The following AKR1C4 variants were observed in gnomAD, a reference collection of about 807,000 sequenced individuals.
The protein encoded by AKR1C4 is aldo-keto reductase family 1 member C4.
Under a neutral mutation model 41.0 loss-of-function variants are expected in AKR1C4, and 44 were observed. That is an observed-to-expected ratio of 1.07 (90% CI 0.84 to 1.38). The LOEUF (loss-of-function observed/expected upper bound fraction) is 1.38. AKR1C4 is among the 40% of genes most tolerant of loss of function. The pLI is 0.00. For synonymous variants in AKR1C4, 165 were observed against 137.7 expected, an observed-to-expected ratio of 1.20 and a Z score of -1.39; for missense variants, 438 against 387.9, an observed-to-expected ratio of 1.13 and a Z score of -1.09.
At chr10:5,217,655 G>A (rs888568130) in intron 8 of AKR1C4, among the ~76,000 whole-genome samples, 3 of 152,188 alleles carry the variant, frequency 2.0e-5, no homozygotes, top group African/African-American at 7.2e-5. Context: ...AGCTACTAAG[G>A]AGGCTGAGAC....
chr10:5,211,133 C>CA (rs1399462174), intron 5 of AKR1C4, among the ~76,000 whole-genome samples: 1 of 152,190 alleles, frequency 6.6e-6, no homozygotes, highest in Non-Finnish European at 1.5e-5. Context: ...CCTAGACCTC[C>CA]ACCTCCCTCT....
chr10:5,206,859 A>T (rs1364712961), intron 5 of AKR1C4, among the ~76,000 whole-genome samples: 4 of 50,644 alleles, frequency 7.9e-5, no homozygotes, highest in African/African-American at 1.3e-4. Flanking sequence ...AGATGTCTGA[A>T]TGCTTTTTCT....
In AKR1C4 at chr10:5,211,543, T is replaced by C. The variant is rs111763254; in HGVS notation, c.571-1073T>C. On this transcript the variant is annotated intron_variant, in intron 5 of 8. Transcript: ENST00000263126. Reference sequence around the variant, plus strand: ...GTTCCCAACAAGTTCCTCATCTCCATCTGAGACCACCTCAGCCTGGTTACT... The same window carrying C: ...GTTCCCAACAAGTTCCTCATCTCCACCTGAGACCACCTCAGCCTGGTTACT... Among the ~76,000 whole-genome samples the C allele has an allele frequency of 9.1e-3, 1,391 of 152,268 alleles. 21 individuals carry two copies. Among genetic ancestry groups the C allele is most frequent in the African/African-American group, 0.032 (1,311 of 41,550 alleles).
At chr10:5,198,035 G>A (rs1832338155) in intron 1 of AKR1C4, among the ~76,000 whole-genome samples, 1 of 152,118 alleles carries the variant, frequency 6.6e-6, no homozygotes, top group African/African-American at 2.4e-5. Context: ...TTCATTTACG[G>A]TTTTGTCATT....
intron 2 of AKR1C4, among the ~76,000 whole-genome samples, chr10:5,203,908 A>G (rs1554797182): frequency 6.6e-6 from 1 of 152,192 alleles, no homozygotes; most frequent in African/African-American, 2.4e-5. Flanking sequence ...CTTTTCAGTG[A>G]AGAGTGTGGG....
intron 5 of AKR1C4, among the ~76,000 whole-genome samples, chr10:5,211,890 G>A (rs1407852424): frequency 1.3e-5 from 2 of 152,178 alleles, no homozygotes; most frequent in Admixed American, 1.3e-4. Context: ...ATGGACAGCA[G>A]CAGGCAAAGA....
chr10:5,206,231 C>A, intron 4 of AKR1C4, 44 bp from the exon 5 acceptor site: 1 of 1,612,854 alleles, frequency 6.2e-7, no homozygotes, highest in Non-Finnish European at 8.5e-7. Context: ...TCATAATCTG[C>A]AGCCAACTGC....
Position 5,196,897 on chromosome 10 carries a change from A to T in AKR1C4, c.30A>T (p.Leu10=), listed in dbSNP as rs1832318504. The T allele has an allele frequency of 1.9e-6, 3 of 1,614,034 alleles. No individual in the cohort carries two copies. The African/African-American group carries it at 4.0e-5, about 22-fold the overall frequency. The part of the protein sequence containing the change: MDPKYQRVE[L]NDGHFMPVLG... ...ATCCCAAATATCAGCGTGTAGAGCTAAATGATGGTCACTTCATGCCCGTAT... is the reference window on the plus strand; with the variant it reads ...ATCCCAAATATCAGCGTGTAGAGCTTAATGATGGTCACTTCATGCCCGTAT... Residue 10 remains leucine, a synonymous_variant, in exon 1 of 9, where the codon CTA becomes CTT. Coordinates refer to ENST00000263126, the MANE Select transcript of AKR1C4 (RefSeq NM_001818.5).
At chr10:5,205,461 G>C (rs903385370) in intron 3 of AKR1C4, among the ~76,000 whole-genome samples, 22 of 152,142 alleles carry the variant, frequency 1.4e-4, no homozygotes, top group African/African-American at 5.1e-4. Context: ...TCAAAGAGAG[G>C]CATTTCCCCC....
At chr10:5,218,097 C>A (rs1317174091) in intron 8 of AKR1C4, among the ~76,000 whole-genome samples, 1 of 151,466 alleles carries the variant, frequency 6.6e-6, no homozygotes, top group Non-Finnish European at 1.5e-5. Context: ...TCTCACCAAT[C>A]AATTATTCAA....
rs1458788378 is a variant in AKR1C4 at position 5,216,914 on chromosome 10, GA to G, written c.929+123del. The G allele has an allele frequency of 9.7e-6, 6 of 620,552 alleles. No homozygotes were observed. In the African/African-American group the frequency reaches 1.1e-4, roughly 12 times the overall value. The allele number at this position is 620,552 out of a possible 1,614,324, so 38.4% of individuals were successfully genotyped here. A position where few individuals can be genotyped will look rare whatever the true frequency, so the allele number is the denominator to read the frequency against. On this transcript the variant is annotated intron_variant, in intron 8 of 8. Coordinates refer to ENST00000263126, the MANE Select transcript of AKR1C4 (RefSeq NM_001818.5). ...CCAGTGCAAGTGAGAGGTGAGACAG[GA>G]ACTCTCTGGAACTCTCCTTCTGGAT... is the stretch of plus-strand genomic sequence containing the variant.
intron 7 of AKR1C4, 85 bp downstream of exon 7, chr10:5,213,244 C>T: frequency 6.4e-7 from 1 of 1,555,736 alleles, no homozygotes. Flanking sequence ...CACCCTTGGA[C>T]TAAGTCCACT....
chr10:5,203,092 GTTC>G (rs1192158492), intron 2 of AKR1C4, among the ~76,000 whole-genome samples: 1 of 151,930 alleles, frequency 6.6e-6, no homozygotes, highest in African/African-American at 2.4e-5. Flanking sequence ...ATTGGTACCA[GTTC>G]TTCTTTGAAC....
At position 5,196,952 on chromosome 10, in the gene AKR1C4, GTAA is replaced by G; in HGVS notation, c.84+6_84+8del. On this transcript the variant is annotated splice_donor_variant and splice_donor_region_variant and intron_variant, in intron 1 of 8. Coordinates refer to ENST00000263126, the MANE Select transcript of AKR1C4 (RefSeq NM_001818.5). LOFTEE classifies it high-confidence loss of function. ...ATTTGGCACCTATGCACCTCCAGAGGTAATAATCACATTTTCAGCATTGAGCAT... is the reference window on the plus strand; with the variant it reads ...ATTTGGCACCTATGCACCTCCAGAGGTAATCACATTTTCAGCATTGAGCAT... 6.2e-7 allele frequency: 1 copy of G among 1,613,564 alleles called. No homozygotes were observed. Among genetic ancestry groups the G allele is most frequent in the Non-Finnish European group, 8.5e-7 (1 of 1,179,494 alleles).
At chr10:5,202,094 G>T (rs1832408304) in intron 2 of AKR1C4, among the ~76,000 whole-genome samples, 1 of 151,870 alleles carries the variant, frequency 6.6e-6, no homozygotes, top group Admixed American at 6.6e-5. Context: ...AGGCCCTTTT[G>T]TGGTTCCATA....
In AKR1C4 at chr10:5,204,439, A is replaced by T; in HGVS notation, c.315A>T (p.Lys105Asn). ...CAGCCTTGGAAAGCTCACTGAAAAAACTTCAACTGGACTATGTTGACCTCT... is the reference window on the plus strand; with the variant it reads ...CAGCCTTGGAAAGCTCACTGAAAAATCTTCAACTGGACTATGTTGACCTCT... The part of the protein sequence containing the change: ...VQPALESSLK[K>N]LQLDYVDLYL... Residue 105 changes from lysine to asparagine, a missense_variant, in exon 3 of 9, where the codon AAA becomes AAT. Coordinates refer to ENST00000263126, the MANE Select transcript of AKR1C4 (RefSeq NM_001818.5). 1 of 1,613,970 alleles carries T rather than the reference A, an allele frequency of 6.2e-7. No homozygotes were observed. Among genetic ancestry groups the T allele is most frequent in the Non-Finnish European group, 8.5e-7 (1 of 1,179,908 alleles).
In AKR1C4 at chr10:5,207,590, A is replaced by G. The variant is rs557005638; in HGVS notation, c.570+1193A>G. The G allele has an allele frequency of 1.8e-3, 1,955 of 1,068,740 alleles. 31 individuals carry two copies. In the South Asian group the frequency reaches 0.023, roughly 13 times the overall value. 66.2% of individuals were successfully genotyped at this position (1,068,740 alleles called of 1,614,324 possible). ...GACTTGAAGAACTTGTCTCTCTCAG[A>G]AATTGAGAAATTGTTAGCAATGGTT... On this transcript the variant is annotated intron_variant, in intron 5 of 8. Coordinates refer to ENST00000263126, the MANE Select transcript of AKR1C4 (RefSeq NM_001818.5).
In AKR1C4 at chr10:5,218,909, G is replaced by A. The variant is rs1832697029; in HGVS notation, c.*149G>A. 1.8e-6 allele frequency: 1 copy of A among 556,200 alleles called. No homozygotes were observed. The highest frequency in any genetic ancestry group is 3.1e-6 in the Non-Finnish European group (1 of 318,258). 34.5% of individuals were successfully genotyped at this position (556,200 alleles called of 1,614,324 possible). A position where few individuals can be genotyped will look rare whatever the true frequency, so the allele number is the denominator to read the frequency against. ...ACTTCAGCTAGCTAGATATATCCAT[G>A]GTCCAGAAAGCAAACATAATAAATT... is the stretch of plus-strand genomic sequence containing the variant. On this transcript the variant is annotated 3_prime_UTR_variant, in exon 9 of 9. Transcript: ENST00000263126.
chr10:5,211,628 C>A (rs1318707252), intron 5 of AKR1C4, among the ~76,000 whole-genome samples: 1 of 152,198 alleles, frequency 6.6e-6, no homozygotes, highest in Non-Finnish European at 1.5e-5. Flanking sequence ...CCTTCTTATA[C>A]TTTTCTGTCT....
Sources: allele counts gnomAD v4.1 joint callset (sites outside exome capture counted in the v4.1 genomes callset), GRCh38; gene constraint gnomAD v4.1.1; transcripts MANE v1.5; gene names NCBI Gene and HGNC (gene_info 2026-07-23, HGNC 2026-07-21).